The following PIAS1 variants were observed in gnomAD, a reference collection of about 807,000 sequenced individuals.
The protein encoded by PIAS1 is protein inhibitor of activated STAT 1.
A neutral mutation model predicts 71.3 loss-of-function variants in PIAS1; 6 were observed. That is an observed-to-expected ratio of 0.08 (90% CI 0.05 to 0.17). PIAS1 has a LOEUF of 0.17. Ranked by LOEUF, PIAS1 falls within the 10% of genes least tolerant of loss-of-function variation. The pLI, the probability that PIAS1 is intolerant of heterozygous loss-of-function variation, is 1.00. For missense variants in PIAS1, 555 were observed against 793.6 expected (o/e 0.70, Z 3.61); for synonymous variants, 303 against 292.9 (o/e 1.03, Z -0.35).
chr15:68,193,776 G>T lies in PIAS1; in HGVS notation c.*5941G>T. ...ACTCCAAACCGCAGGCTCCTTCCAT[G>T]CTTGAAAGGGCCGGACTCACGGTAG... On this transcript the variant is annotated 3_prime_UTR_variant, in exon 14 of 14. Coordinates refer to ENST00000249636, the MANE Select transcript of PIAS1 (RefSeq NM_016166.3). The T allele has an allele frequency of 2.4e-6, 1 of 411,454 alleles. No individual in the cohort carries two copies. Among genetic ancestry groups the T allele is most frequent in the East Asian group, 4.0e-5 (1 of 24,756 alleles). The allele number at this position is 411,454 out of a possible 1,614,324, so 25.5% of individuals were successfully genotyped here.
intron 2 of PIAS1, among the ~76,000 whole-genome samples, chr15:68,096,049 TA>T (rs1449442583): frequency 6.6e-6 from 1 of 152,220 alleles, no homozygotes; most frequent in African/African-American, 2.4e-5. Context: ...TAGGTAAAAA[TA>T]AAAAGCCTGA....
intron 2 of PIAS1, among the ~76,000 whole-genome samples, chr15:68,103,228 T>C (rs1292093140): frequency 6.6e-6 from 1 of 152,022 alleles, no homozygotes; most frequent in Admixed American, 6.6e-5. Flanking sequence ...TGCCTGACCC[T>C]TCTTTGATTT....
At chr15:68,083,119 A>G (rs563475533) in intron 1 of PIAS1, among the ~76,000 whole-genome samples, 2 of 116,668 alleles carry the variant, frequency 1.7e-5, no homozygotes, top group South Asian at 3.1e-4. Context: ...GGTTGATGCA[A>G]TCCTTAGTTG....
At position 68,173,808 on chromosome 15, in the gene PIAS1, A is replaced by G; in HGVS notation, c.1085A>G (p.Tyr362Cys). Residue 362 changes from tyrosine to cysteine, a missense_variant, in exon 9 of 14, where the codon TAC becomes TGC. Coordinates refer to ENST00000249636, the MANE Select transcript of PIAS1 (RefSeq NM_016166.3). The surrounding 1 kb of genome is among the most constrained non-coding windows in gnomAD (Gnocchi z 4.3). ...SHLQCFDATL[Y>C]IQMNEKKPTW... Reference sequence around the variant, plus strand: ...CTACAATGTTTTGACGCAACTCTTTACATTCAGATGAATGAGAAAAAACCA... The same window carrying G: ...CTACAATGTTTTGACGCAACTCTTTGCATTCAGATGAATGAGAAAAAACCA... 1 of 1,601,090 alleles carries G rather than the reference A, an allele frequency of 6.2e-7. No homozygotes were observed. Among genetic ancestry groups the G allele is most frequent in the Non-Finnish European group, 8.5e-7 (1 of 1,170,600 alleles).
intron 2 of PIAS1, among the ~76,000 whole-genome samples, chr15:68,111,245 C>T (rs2092520620): frequency 6.6e-6 from 1 of 152,124 alleles, no homozygotes; most frequent in African/African-American, 2.4e-5. Flanking sequence ...AGCATCTGCT[C>T]AATCCTACTT....
At chr15:68,159,160 C>CTT (rs2092909132) in intron 7 of PIAS1, among the ~76,000 whole-genome samples, 1 of 152,118 alleles carries the variant, frequency 6.6e-6, no homozygotes. Flanking sequence ...AATGTGAAAA[C>CTT]TTTAACTCCC....
At chr15:68,092,522 T>C (rs2092341091) in intron 2 of PIAS1, among the ~76,000 whole-genome samples, 1 of 152,176 alleles carries the variant, frequency 6.6e-6, no homozygotes, top group Non-Finnish European at 1.5e-5. Flanking sequence ...TTCTACTTGA[T>C]TACTGAAGGA....
At chr15:68,100,648 T>G (rs1383405354) in intron 2 of PIAS1, among the ~76,000 whole-genome samples, 1 of 152,134 alleles carries the variant, frequency 6.6e-6, no homozygotes, top group East Asian at 1.9e-4. Flanking sequence ...AAAAATAAAT[T>G]TTTATATCTC....
intron 7 of PIAS1, among the ~76,000 whole-genome samples, chr15:68,155,791 T>C (rs897295736): frequency 6.6e-6 from 1 of 152,186 alleles, no homozygotes; most frequent in Non-Finnish European, 1.5e-5. Flanking sequence ...AAACAGTCTT[T>C]TACCAACTCT....
intron 1 of PIAS1, among the ~76,000 whole-genome samples, chr15:68,058,607 T>C (rs1426695092): frequency 1.3e-5 from 2 of 152,240 alleles, no homozygotes; most frequent in African/African-American, 4.8e-5. Flanking sequence ...GGAAAAGCTC[T>C]ATGCTAGGGT....
chr15:68,098,870 A>G (rs913430017), intron 2 of PIAS1, among the ~76,000 whole-genome samples: 1 of 152,170 alleles, frequency 6.6e-6, no homozygotes, highest in African/African-American at 2.4e-5. Flanking sequence ...GCACTTGTCT[A>G]AATATAGCCA....
At chr15:68,063,047 C>A (rs1231179367) in intron 1 of PIAS1, among the ~76,000 whole-genome samples, 1 of 152,040 alleles carries the variant, frequency 6.6e-6, no homozygotes, top group East Asian at 1.9e-4. Context: ...AAAATAATTG[C>A]CACATTTAAT....
intron 1 of PIAS1, among the ~76,000 whole-genome samples, chr15:68,074,088 T>C (rs941872082): frequency 2.0e-5 from 3 of 152,118 alleles, no homozygotes; most frequent in Non-Finnish European, 2.9e-5. Context: ...TTGATGACTC[T>C]TGGGATATAA....
intron 1 of PIAS1, among the ~76,000 whole-genome samples, chr15:68,076,134 G>T (rs1471735228): frequency 6.6e-6 from 1 of 152,070 alleles, no homozygotes. Flanking sequence ...ACTTGTTTCT[G>T]TCTAAAACTT....
intron 1 of PIAS1, among the ~76,000 whole-genome samples, chr15:68,085,386 G>C (rs1166322686): frequency 1.3e-5 from 2 of 152,182 alleles, no homozygotes; most frequent in African/African-American, 4.8e-5. Flanking sequence ...GGGGAAAAAG[G>C]AGAAAGGGGG....
chr15:68,121,983 G>A (rs1567051503), intron 2 of PIAS1, among the ~76,000 whole-genome samples: 1 of 152,054 alleles, frequency 6.6e-6, no homozygotes, highest in Non-Finnish European at 1.5e-5. Context: ...CAAAAAATTA[G>A]CCAGATGTGG....
chr15:68,153,944 T>A (rs1055057107), intron 7 of PIAS1: 10 of 256,780 alleles, frequency 3.9e-5, no homozygotes, highest in Non-Finnish European at 7.4e-5. Context: ...AAAATCAATG[T>A]TTAAGGAATT....
At chr15:68,156,774 GGACAGGTATAAGTT>G (rs2092892983) in intron 7 of PIAS1, among the ~76,000 whole-genome samples, 1 of 150,756 alleles carries the variant, frequency 6.6e-6, no homozygotes, top group South Asian at 2.1e-4. Flanking sequence ...CCAGAGAGTT[GGACAGGTATAAGTT>G]GACATAGACG....
At chr15:68,145,129 A>G (rs1269867242) in intron 4 of PIAS1, among the ~76,000 whole-genome samples, 1 of 152,200 alleles carries the variant, frequency 6.6e-6, no homozygotes, top group Non-Finnish European at 1.5e-5. Flanking sequence ...TGAATTATGT[A>G]TCTTTCCTTG....
Sources: gnomAD v4.1 joint callset for allele counts (sites outside exome capture counted in the v4.1 genomes callset) on GRCh38, gnomAD v4.1.1 for gene constraint, Gnocchi (gnomAD v3.1) non-coding constraint, MANE v1.5 for transcripts, NCBI Gene and HGNC (gene_info 2026-07-23, HGNC 2026-07-21) for gene names.